Variants in TTC3 observed in about 807,000 individuals in gnomAD.
TTC3 encodes the protein E3 ubiquitin-protein ligase TTC3.
In TTC3, 180 loss-of-function variants were observed where a neutral mutation model predicts 249.6. The ratio of observed to expected loss-of-function variants is 0.72; its 90% CI spans 0.64 to 0.82. TTC3 has a LOEUF of 0.82. TTC3 is among the 40% of genes least tolerant of loss of function. The pLI, the probability that TTC3 is intolerant of heterozygous loss-of-function variation, is 0.00. For missense variants in TTC3, 2,061 were observed against 2,398.4 expected (o/e 0.86, Z 2.94); for synonymous variants, 717 against 805.0 (o/e 0.89, Z 1.85).
intron 35 of TTC3, among the ~76,000 whole-genome samples, chr21:37,179,937 A>G (rs1425743450): frequency 1.3e-5 from 2 of 152,236 alleles, no homozygotes; most frequent in Non-Finnish European, 2.9e-5. Context: ...CATGTTCTCT[A>G]TCAGCCTACA....
intron 6 of TTC3, 26 bp downstream of exon 6, chr21:37,090,312 AC>A (rs773598816): frequency 5.8e-5 from 92 of 1,595,684 alleles, no homozygotes; most frequent in Admixed American, 8.5e-5. Flanking sequence ...TGAAACTGGC[AC>A]AGCCACTGTG....
chr21:37,160,800 A>C lies in TTC3; in HGVS notation c.3040-2A>C. The C allele has an allele frequency of 6.2e-7, 1 of 1,612,746 alleles. No homozygotes were observed. Among genetic ancestry groups the C allele is most frequent in the South Asian group, 1.1e-5 (1 of 90,948 alleles). Reference sequence around the variant, plus strand: ...TCACTGATTTTTCCCCCCATTTTTTAGTTTAGTTCAACCAAGGTGAAAAAC... The same window carrying C: ...TCACTGATTTTTCCCCCCATTTTTTCGTTTAGTTCAACCAAGGTGAAAAAC... On this transcript the variant is annotated splice_acceptor_variant, in intron 29 of 45. Coordinates refer to ENST00000355666, the Ensembl canonical transcript of TTC3. LOFTEE classifies it high-confidence loss of function.
At chr21:37,187,106 G>A in exon 38 of TTC3, 2 of 1,577,452 alleles carry the variant, frequency 1.3e-6, no homozygotes, top group Non-Finnish European at 1.7e-6. Flanking sequence ...AAGGGAAAGA[G>A]GATTATGAAG....
chr21:37,201,879 T>C (rs1343939871), exon 46 of TTC3: 1 of 311,352 alleles, frequency 3.2e-6, no homozygotes, highest in African/African-American at 2.2e-5. Context: ...CGAAGCAGTA[T>C]TCTAGTGATA....
chr21:37,074,140 T>TGGAC (rs2070458759), intron 1 of TTC3, among the ~76,000 whole-genome samples: 1 of 151,952 alleles, frequency 6.6e-6, no homozygotes, highest in Non-Finnish European at 1.5e-5. Flanking sequence ...GTCCAGGGCC[T>TGGAC]GTCCCCACGG....
intron 17 of TTC3, 141 bp from the exon 18 acceptor site, chr21:37,135,239 A>C: frequency 1.1e-6 from 1 of 891,736 alleles, no homozygotes; most frequent in Non-Finnish European, 1.7e-6. Flanking sequence ...TGAGAAAGGA[A>C]TATGATGAAT....
chr21:37,150,203 A>T, intron 24 of TTC3, 33 bp downstream of exon 24: 2 of 1,460,630 alleles, frequency 1.4e-6, no homozygotes, highest in Non-Finnish European at 1.9e-6. Flanking sequence ...TGTTAGATAG[A>T]TAACCAAAAT....
intron 35 of TTC3, among the ~76,000 whole-genome samples, chr21:37,176,348 C>T (rs191159832): frequency 2.6e-5 from 4 of 152,188 alleles, no homozygotes; most frequent in Admixed American, 1.3e-4. Flanking sequence ...AAAAAGAAAC[C>T]CCATATTTAT....
intron 34 of TTC3, among the ~76,000 whole-genome samples, chr21:37,168,508 T>C (rs1307981166): frequency 6.6e-6 from 1 of 152,002 alleles, no homozygotes; most frequent in African/African-American, 2.4e-5. Context: ...AAAAAAGAGA[T>C]AAAATACTTA....
chr21:37,177,681 C>T (rs576775983), intron 35 of TTC3, among the ~76,000 whole-genome samples: 2 of 152,196 alleles, frequency 1.3e-5, no homozygotes, highest in Non-Finnish European at 2.9e-5. Context: ...TGACTCCCTC[C>T]TGCTTCTCCT....
chr21:37,190,361 C>G (rs1263312118), intron 39 of TTC3, among the ~76,000 whole-genome samples: 1 of 151,606 alleles, frequency 6.6e-6, no homozygotes, highest in Admixed American at 6.6e-5. Context: ...GTCTCTAACT[C>G]CTGACCTGGT....
chr21:37,188,308 TTTG>T (rs1406444183), intron 38 of TTC3, 184 bp from the exon 39 acceptor site: 3 of 513,690 alleles, frequency 5.8e-6, no homozygotes, highest in African/African-American at 1.9e-5. Flanking sequence ...GTGATGTCAT[TTTG>T]TTCTGTTTTC....
At chr21:37,135,594 CATT>C (rs1414455034) in intron 18 of TTC3, 80 bp downstream of exon 18, 9 of 1,505,990 alleles carry the variant, frequency 6.0e-6, no homozygotes, top group Non-Finnish European at 8.1e-6. Flanking sequence ...GGGCTTAACT[CATT>C]GTAGTAATGT....
chr21:37,088,300 C>A, exon 4 of TTC3: 1 of 1,613,534 alleles, frequency 6.2e-7, no homozygotes, highest in Non-Finnish European at 8.5e-7. Flanking sequence ...GTTTCAACAT[C>A]AAAACAGTTC....
chr21:37,098,957 A>G (rs2074211669), intron 10 of TTC3: 1 of 152,084 alleles, frequency 6.6e-6, no homozygotes, highest in Non-Finnish European at 1.5e-5. Context: ...GCTGGGGGTA[A>G]AGCATCCACC....
At chr21:37,146,728 C>T (rs1009113216) in intron 21 of TTC3, among the ~76,000 whole-genome samples, 11 of 152,100 alleles carry the variant, frequency 7.2e-5, no homozygotes, top group Non-Finnish European at 1.2e-4. Context: ...ACTGCTAATG[C>T]GTATGGAGTT....
intron 10 of TTC3, among the ~76,000 whole-genome samples, chr21:37,107,528 A>G (rs1004419036): frequency 2.6e-5 from 4 of 152,198 alleles, no homozygotes; most frequent in African/African-American, 9.7e-5. Flanking sequence ...TTAATAATGT[A>G]GTATCTAATT....
At chr21:37,197,470 T>G in intron 42 of TTC3, 100 bp from the exon 43 acceptor site, 1 of 1,424,660 alleles carries the variant, frequency 7.0e-7, no homozygotes. Flanking sequence ...GCATTTGTCT[T>G]TGTTTCTTTG....
At chr21:37,074,379 T>A (rs924942956) in intron 1 of TTC3, among the ~76,000 whole-genome samples, 2 of 152,232 alleles carry the variant, frequency 1.3e-5, no homozygotes, top group African/African-American at 4.8e-5. Flanking sequence ...GAATTTGGGC[T>A]GGTACCAGTG....
Sources: gnomAD v4.1 joint callset for allele counts (sites outside exome capture counted in the v4.1 genomes callset) on GRCh38, gnomAD v4.1.1 for gene constraint, MANE v1.5 for transcripts, NCBI Gene and HGNC (gene_info 2026-07-23, HGNC 2026-07-21) for gene names.